REC114: variants seen among roughly 807,000 people sequenced by gnomAD.
REC114 encodes the protein meiotic recombination protein REC114.
Under a neutral mutation model 31.3 loss-of-function variants are expected in REC114, and 27 were observed. That is an observed-to-expected ratio of 0.86 (90% CI 0.64 to 1.19). The LOEUF is 1.19. REC114 is among the 50% of genes most tolerant of loss of function. REC114 has a pLI of 0.00. For synonymous variants in REC114, 134 were observed against 127.7 expected, an observed-to-expected ratio of 1.05 and a Z score of -0.33; for missense variants, 344 against 326.9, an observed-to-expected ratio of 1.05 and a Z score of -0.40.
intron 2 of REC114, among the ~76,000 whole-genome samples, chr15:73,481,715 G>A (rs988347522): frequency 5.1e-5 from 7 of 136,880 alleles, no homozygotes; most frequent in Admixed American, 2.4e-4. Flanking sequence ...CTGGAGTGCA[G>A]TGGAACAGTC....
At chr15:73,500,877 T>C (rs1165255579) in intron 2 of REC114, among the ~76,000 whole-genome samples, 1 of 152,156 alleles carries the variant, frequency 6.6e-6, no homozygotes, top group East Asian at 1.9e-4. Context: ...TCCCTTCTTA[T>C]TCATCCTTAG....
chr15:73,473,366 G>A (rs912055623), intron 1 of REC114, among the ~76,000 whole-genome samples: 4 of 151,768 alleles, frequency 2.6e-5, no homozygotes, highest in African/African-American at 4.8e-5. Flanking sequence ...TCCAGCCTGG[G>A]CAACAAGAGT....
At chr15:73,526,144 A>G (rs997606233) in intron 2 of REC114, among the ~76,000 whole-genome samples, 42 of 152,298 alleles carry the variant, frequency 2.8e-4, no homozygotes, top group African/African-American at 9.9e-4. Flanking sequence ...TGACATAGCC[A>G]TTCCAGTTTT....
At position 73,464,813 on chromosome 15, in the gene REC114, C is replaced by T. The variant is rs574842767; in HGVS notation, c.160-9019C>T. ...CCTCCTTTCTCCTGTAGGGGGAAAA[C>T]GTCCTACTAGCTCTTTTTTTGTGGA... On this transcript the variant is annotated intron_variant, in intron 1 of 5. Transcript: ENST00000331090. 2.0e-5 allele frequency among the ~76,000 whole-genome samples: 3 copies of T among 152,172 alleles called. No individual in the cohort carries two copies. In the South Asian group the frequency reaches 6.2e-4, roughly 32 times the overall value.
chr15:73,520,511 A>G (rs571682141), intron 2 of REC114, among the ~76,000 whole-genome samples: 4 of 152,286 alleles, frequency 2.6e-5, no homozygotes, highest in Non-Finnish European at 5.9e-5. Flanking sequence ...TACAGGTGTG[A>G]GCCACTGTGC....
intron 1 of REC114, among the ~76,000 whole-genome samples, chr15:73,453,940 G>A (rs1200554548): frequency 6.6e-6 from 1 of 151,114 alleles, no homozygotes; most frequent in Non-Finnish European, 1.5e-5. Flanking sequence ...GGACATGGGT[G>A]GGGGGCATCA....
chr15:73,498,625 A>G (rs902991264), intron 2 of REC114, among the ~76,000 whole-genome samples: 5 of 152,146 alleles, frequency 3.3e-5, no homozygotes, highest in African/African-American at 1.2e-4. Context: ...TGCTTTGTTC[A>G]ACATTTGTAA....
chr15:73,474,589 T>G lies in REC114; in HGVS notation c.249+668T>G, dbSNP rs187336501. Among the ~76,000 whole-genome samples the G allele has an allele frequency of 5.4e-3, 825 of 152,282 alleles. 5 individuals are homozygous for G. Among genetic ancestry groups the G allele is most frequent in the Middle Eastern group, 0.02 (6 of 294 alleles). ...GAATGGGGTCTACATTGACATAAAT[T>G]CATACAACAAATATTTACTATCTAC... is the stretch of plus-strand genomic sequence containing the variant. On this transcript the variant is annotated intron_variant, in intron 2 of 5. Coordinates refer to ENST00000331090, the MANE Select transcript of REC114 (RefSeq NM_001042367.2).
chr15:73,529,287 G>A (rs990719331), intron 2 of REC114, among the ~76,000 whole-genome samples: 2 of 151,942 alleles, frequency 1.3e-5, no homozygotes, highest in African/African-American at 2.4e-5. Flanking sequence ...ACAGGCGCCC[G>A]CCACCATGCC....
intron 5 of REC114, among the ~76,000 whole-genome samples, chr15:73,558,886 A>T (rs970053992): frequency 1.3e-5 from 2 of 152,242 alleles, no homozygotes; most frequent in African/African-American, 2.4e-5. Context: ...AATTGCAAAA[A>T]AATAAAACCC....
chr15:73,556,383 T>C lies in REC114; in HGVS notation c.628T>C (p.Leu210=), dbSNP rs1013831613. ...AGACGGAAGGACCTCACTGACGCAGTTAGCTCAGGTAGAGCTTATTTCTGT... is the reference window on the plus strand; with the variant it reads ...AGACGGAAGGACCTCACTGACGCAGCTAGCTCAGGTAGAGCTTATTTCTGT... ...APDGRTSLTQ[L]AQTLLASEEL... is the part of the protein sequence containing the mutation. The change falls in exon 5 of 6, where the codon TTA becomes CTA. Residue 210 remains leucine, a synonymous_variant. Transcript: ENST00000331090. 2 of 1,613,412 alleles carry C rather than the reference T, an allele frequency of 1.2e-6. No individual in the cohort carries two copies. Among genetic ancestry groups the C allele is most frequent in the Admixed American group, 3.3e-5 (2 of 59,956 alleles).
At chr15:73,504,185 T>G (rs1893642285) in intron 2 of REC114, among the ~76,000 whole-genome samples, 1 of 151,930 alleles carries the variant, frequency 6.6e-6, no homozygotes, top group Non-Finnish European at 1.5e-5. Context: ...TTTTGTATTT[T>G]TAGTAGAGAC....
At position 73,516,671 on chromosome 15, in the gene REC114, A is replaced by C. The variant is rs184342519; in HGVS notation, c.250-23814A>C. 2.3e-3 allele frequency among the ~76,000 whole-genome samples: 357 copies of C among 152,288 alleles called. 3 individuals are homozygous for C. Among genetic ancestry groups the C allele is most frequent in the African/African-American group, 8.3e-3 (343 of 41,570 alleles). On this transcript the variant is annotated intron_variant, in intron 2 of 5. Transcript: ENST00000331090. ...AATAATTTTTATACTCTTGTTACCC[A>C]GGCTGAAGTGCAATGAAGCAGTCTC... is the stretch of plus-strand genomic sequence containing the variant.
chr15:73,447,414 T>G (rs1399226909), intron 1 of REC114, among the ~76,000 whole-genome samples: 3 of 152,054 alleles, frequency 2.0e-5, no homozygotes, highest in Non-Finnish European at 4.4e-5. Flanking sequence ...CAAAGAAGAC[T>G]GATAAGAGGC....
At chr15:73,443,983 C>G (rs966782311) in intron 1 of REC114, among the ~76,000 whole-genome samples, 6 of 152,186 alleles carry the variant, frequency 3.9e-5, no homozygotes, top group Admixed American at 3.3e-4. Context: ...CATATAAAAC[C>G]TGTGTTTGCA....
intron 1 of REC114, among the ~76,000 whole-genome samples, chr15:73,470,915 A>G (rs1893125105): frequency 6.6e-6 from 1 of 152,108 alleles, no homozygotes; most frequent in Admixed American, 6.5e-5. Context: ...CAGTGTGCCT[A>G]GTGGGTTCAG....
intron 3 of REC114, among the ~76,000 whole-genome samples, chr15:73,548,573 C>T (rs959888703): frequency 3.3e-5 from 5 of 152,088 alleles, no homozygotes; most frequent in South Asian, 2.1e-4. Flanking sequence ...CAGATGCTGG[C>T]GAGTTGTACT....
At chr15:73,529,950 TAAA>T (rs925693098) in intron 2 of REC114, among the ~76,000 whole-genome samples, 1 of 152,242 alleles carries the variant, frequency 6.6e-6, no homozygotes, top group Non-Finnish European at 1.5e-5. Context: ...TTCTAGATGA[TAAA>T]AATTGTAAAA....
intron 2 of REC114, among the ~76,000 whole-genome samples, chr15:73,522,093 T>C (rs750672669): frequency 5.9e-5 from 9 of 152,188 alleles, no homozygotes; most frequent in Non-Finnish European, 7.4e-5. Flanking sequence ...ATTTTTAGCT[T>C]AGCAGAAAAG....
Sources: gnomAD v4.1 joint callset for allele counts (sites outside exome capture counted in the v4.1 genomes callset) on GRCh38, gnomAD v4.1.1 for gene constraint, MANE v1.5 for transcripts, NCBI Gene and HGNC (gene_info 2026-07-23, HGNC 2026-07-21) for gene names.